Variants in MICAL3 observed in about 807,000 individuals in gnomAD.
The protein encoded by MICAL3 is microtubule associated monooxygenase, calponin and LIM domain containing 3.
MICAL3 carries 62 observed loss-of-function variants against 207.4 expected under a neutral mutation model. That is an observed-to-expected ratio of 0.30 (90% CI 0.24 to 0.37). The LOEUF (loss-of-function observed/expected upper bound fraction) is 0.37, where lower values mean the gene tolerates loss of function less well. MICAL3 is among the 10% of genes least tolerant of loss of function. The pLI, the probability that MICAL3 is intolerant of heterozygous loss-of-function variation, is 1.00. For synonymous variants in MICAL3, 1,077 were observed against 1,069.3 expected (o/e 1.01, Z -0.14); for missense variants, 2,368 against 2,635.6 (o/e 0.90, Z 2.22).
intron 1 of MICAL3, among the ~76,000 whole-genome samples, chr22:17,952,233 G>T (rs1262425102): frequency 6.6e-6 from 1 of 152,194 alleles, no homozygotes; most frequent in Non-Finnish European, 1.5e-5. Flanking sequence ...CTAACACCTA[G>T]AACAAGTAAG....
chr22:17,833,604 A>C (rs759524706), intron 20 of MICAL3, among the ~76,000 whole-genome samples: 2 of 152,192 alleles, frequency 1.3e-5, no homozygotes, highest in Non-Finnish European at 2.9e-5. Context: ...TGGCTCCACG[A>C]AAGTAACCTA....
chr22:17,834,354 T>G, intron 20 of MICAL3: 3 of 1,225,874 alleles, frequency 2.4e-6, no homozygotes, highest in Non-Finnish European at 3.1e-6. Flanking sequence ...ATAAAATTTA[T>G]TCAATTATCT....
At chr22:17,855,462 T>C (rs1925789145) in intron 19 of MICAL3, among the ~76,000 whole-genome samples, 1 of 152,090 alleles carries the variant, frequency 6.6e-6, no homozygotes, top group South Asian at 2.1e-4. Context: ...CTAGAAGCAG[T>C]TACACCAGAA....
At chr22:17,917,683 A>G (rs1300288374) in intron 1 of MICAL3, among the ~76,000 whole-genome samples, 1 of 152,150 alleles carries the variant, frequency 6.6e-6, no homozygotes, top group East Asian at 1.9e-4. Flanking sequence ...CCTTAGGCCC[A>G]GCCACATGGC....
rs181680605 is a variant in MICAL3, at chr22:17,883,077, G to C, written c.2241+2801C>G. ...GGCACCCGTTATGAATACTGTAAGA[G>C]GTTTTGGAATCCAATTTGGAGTTCA... On this transcript the variant is annotated intron_variant, in intron 16 of 31. Transcript: ENST00000441493. Among the ~76,000 whole-genome samples the C allele has an allele frequency of 2.0e-5, 3 of 152,252 alleles. No individual in the cohort carries two copies. The East Asian group carries it at 5.8e-4, about 29-fold the overall frequency.
rs1284299239 is a variant in MICAL3, at chr22:17,788,929, A to G, written c.*1803T>C. ...CTCTGCTCCCAGCTGGCCCCAGCCC[A>G]CGGAGGCGGCAGGCGGCTGGAGCGC... is the stretch of plus-strand genomic sequence containing the variant. On this transcript the variant is annotated 3_prime_UTR_variant, in exon 32 of 32. Transcript: ENST00000441493. 6.6e-6 allele frequency: 1 copy of G among 152,484 alleles called. No homozygotes were observed. The highest frequency in any genetic ancestry group is 1.5e-5 in the Non-Finnish European group (1 of 68,236). 9.4% of individuals were successfully genotyped at this position (152,484 alleles called of 1,614,324 possible).
chr22:18,022,813 A>G (rs1264454004), intron 1 of MICAL3, among the ~76,000 whole-genome samples: 1 of 152,192 alleles, frequency 6.6e-6, no homozygotes, highest in African/African-American at 2.4e-5. Context: ...GTTAGTACAT[A>G]GGCAGCCATG....
At chr22:17,883,460 C>G (rs1447533882) in intron 16 of MICAL3, among the ~76,000 whole-genome samples, 1 of 152,196 alleles carries the variant, frequency 6.6e-6, no homozygotes, top group African/African-American at 2.4e-5. Flanking sequence ...CTGGGGAGAC[C>G]GACTACGGAA....
chr22:17,997,004 C>T (rs1377810739), intron 1 of MICAL3, among the ~76,000 whole-genome samples: 1 of 148,402 alleles, frequency 6.7e-6, no homozygotes, highest in Non-Finnish European at 1.5e-5. Flanking sequence ...CCACAAACCA[C>T]TTTGATTCTC....
chr22:17,864,714 G>A, intron 19 of MICAL3, 185 bp downstream of exon 19: 1 of 1,613,120 alleles, frequency 6.2e-7, no homozygotes, highest in Non-Finnish European at 8.5e-7. Flanking sequence ...CCTCCGACAG[G>A]CCATAGAGAA....
intron 1 of MICAL3, among the ~76,000 whole-genome samples, chr22:17,954,833 C>T (rs1054269953): frequency 1.3e-5 from 2 of 151,900 alleles, no homozygotes; most frequent in African/African-American, 2.4e-5. Context: ...AGCAACCTCG[C>T]CCTCCCGGGT....
At chr22:17,916,669 C>G (rs367962137) in intron 1 of MICAL3, among the ~76,000 whole-genome samples, 1 of 152,026 alleles carries the variant, frequency 6.6e-6, no homozygotes, top group African/African-American at 2.4e-5. Context: ...TACCGTCTGC[C>G]CCCCCACAAC....
At position 17,871,849 on chromosome 22, in the gene MICAL3, C is replaced by T. The variant is rs746472340; in HGVS notation, c.2416G>A (p.Asp806Asn). 85 of 1,605,904 alleles carry T rather than the reference C, an allele frequency of 5.3e-5. No individual in the cohort carries two copies. In the East Asian group the frequency reaches 1.7e-3, roughly 33 times the overall value. The change falls in exon 17 of 32, where the codon GAC (aspartate) becomes AAC (asparagine). Residue 806 changes from aspartate to asparagine, a missense_variant. Physicochemically the swap from Asp to Asn is conservative, Grantham distance 23. Around this residue, in one of 4 missense-constraint regions of MICAL3, gnomAD observed 1,770 missense variants for 1,863.2 expected, o/e 0.95. Transcript: ENST00000441493. ...CAGGGTGTCTCACCATCCTCGATGT[C>T]GTAGGCGTAGGCCGAGAGGCGCAGG... ...TTLRLSAYAY[D>N]IEDGKFYCKP...
chr22:17,996,109 G>A (rs1922244112), intron 1 of MICAL3, among the ~76,000 whole-genome samples: 1 of 144,232 alleles, frequency 6.9e-6, no homozygotes, highest in African/African-American at 2.6e-5. Flanking sequence ...CAGCCTAGGT[G>A]GCAGAGTGAG....
chr22:17,972,265 A>G (rs1028802527), intron 1 of MICAL3, among the ~76,000 whole-genome samples: 1 of 152,230 alleles, frequency 6.6e-6, no homozygotes, highest in African/African-American at 2.4e-5. Context: ...GAAAATATAT[A>G]TCCTGAGGCA....
intron 1 of MICAL3, among the ~76,000 whole-genome samples, chr22:17,938,692 G>C (rs12158486): frequency 0.025 from 3,873 of 152,242 alleles, 163 homozygotes; most frequent in African/African-American, 0.082. Context: ...CTAAACGGAA[G>C]CGTGGCAGAG....
chr22:17,879,416 A>C (rs979009631), intron 16 of MICAL3: 11 of 1,608,270 alleles, frequency 6.8e-6, no homozygotes, highest in Non-Finnish European at 9.3e-6. Flanking sequence ...TTGGCAACAA[A>C]GTAGAAACTT....
At chr22:17,799,743 A>T (rs529720066) in intron 29 of MICAL3, among the ~76,000 whole-genome samples, 1 of 152,166 alleles carries the variant, frequency 6.6e-6, no homozygotes, top group Non-Finnish European at 1.5e-5. Context: ...AGCTGTCATG[A>T]CAGGGTGAGG....
chr22:17,861,514 G>C (rs1489753412), intron 19 of MICAL3: 1 of 985,426 alleles, frequency 1.0e-6, no homozygotes, highest in East Asian at 1.1e-4. Context: ...GTCATCAACC[G>C]TATCAGATAA....
Sources: allele counts gnomAD v4.1 joint callset (sites outside exome capture counted in the v4.1 genomes callset), GRCh38; gene constraint gnomAD v4.1.1; regional missense constraint gnomAD v4.1.1; transcripts MANE v1.5; gene names NCBI Gene and HGNC (gene_info 2026-07-23, HGNC 2026-07-21).